SGCD: variants seen among roughly 807,000 people sequenced by gnomAD.
SGCD encodes the protein sarcoglycan delta, also known as delta-sarcoglycan.
Under a neutral mutation model 36.6 loss-of-function variants are expected in SGCD, and 18 were observed. The ratio of observed to expected loss-of-function variants is 0.49; its 90% CI spans 0.34 to 0.73. The LOEUF is 0.73. Among genes scored for constraint, SGCD ranks in the 30% least tolerant of loss-of-function variants. SGCD has a pLI of 0.01. For synonymous variants in SGCD, 133 were observed against 130.6 expected, an observed-to-expected ratio of 1.02 and a Z score of -0.12; for missense variants, 387 against 346.7, an observed-to-expected ratio of 1.12 and a Z score of -0.92.
chr5:155,756,378 CT>C, the SGCD span, among the ~76,000 whole-genome samples: 2 of 152,176 alleles, frequency 1.3e-5, no homozygotes, highest in African/African-American at 2.4e-5. Context: ...GACTTATTTC[CT>C]TATAAAATCT....
At chr5:156,337,379 A>G (rs767970137) in intron 2 of SGCD, among the ~76,000 whole-genome samples, 10 of 152,222 alleles carry the variant, frequency 6.6e-5, no homozygotes, top group Non-Finnish European at 1.0e-4. Context: ...TTATTCTTAA[A>G]TTAGCTAATG....
chr5:156,273,097 G>A (rs1766222658), intron 3 of SGCD, among the ~76,000 whole-genome samples: 1 of 152,142 alleles, frequency 6.6e-6, no homozygotes, highest in Non-Finnish European at 1.5e-5. Context: ...AGAAACTATT[G>A]GATGTATTAG....
chr5:156,024,959 A>G (rs890647064), intron 1 of SGCD, among the ~76,000 whole-genome samples: 14 of 55,214 alleles, frequency 2.5e-4, no homozygotes, highest in Admixed American at 2.0e-3. Flanking sequence ...CTCCATCTCA[A>G]AAAAAAAAAA....
chr5:156,028,788 C>T (rs1759278586), intron 1 of SGCD, among the ~76,000 whole-genome samples: 1 of 152,108 alleles, frequency 6.6e-6, no homozygotes, highest in Non-Finnish European at 1.5e-5. Context: ...CACAAGATAA[C>T]AATTTAATAA....
At chr5:155,805,750 G>A in the SGCD span, among the ~76,000 whole-genome samples, 1 of 152,256 alleles carries the variant, frequency 6.6e-6, no homozygotes, top group South Asian at 2.1e-4. Flanking sequence ...AGGCGGGTGA[G>A]TGTAGGTCCA....
chr5:155,917,998 C>T (rs1443837731), intron 1 of SGCD, among the ~76,000 whole-genome samples: 2 of 152,160 alleles, frequency 1.3e-5, no homozygotes, highest in African/African-American at 4.8e-5. Flanking sequence ...GGCCACAATT[C>T]TCTTGATCTG....
chr5:156,502,737 T>G (rs970384654), intron 3 of SGCD, among the ~76,000 whole-genome samples: 3 of 152,162 alleles, frequency 2.0e-5, no homozygotes, highest in Admixed American at 6.5e-5. Flanking sequence ...CAAAACTTCT[T>G]ATGTAGTAAA....
chr5:155,858,821 G>A, the SGCD span, among the ~76,000 whole-genome samples: 3 of 152,226 alleles, frequency 2.0e-5, no homozygotes, highest in East Asian at 5.8e-4. Flanking sequence ...CCCTGCTACG[G>A]ATTAACTGAA....
chr5:156,374,691 T>C (rs1580892108), intron 3 of SGCD, among the ~76,000 whole-genome samples: 1 of 143,790 alleles, frequency 7.0e-6, no homozygotes, highest in African/African-American at 2.6e-5. Context: ...AGACGGAGTC[T>C]TGCTCTGTTG....
At chr5:155,885,458 A>G (rs1243778111) in intron 1 of SGCD, among the ~76,000 whole-genome samples, 1 of 24,334 alleles carries the variant, frequency 4.1e-5, no homozygotes, top group Non-Finnish European at 8.5e-5. Context: ...ATGTATCATC[A>G]AAGTAAAAAA....
At chr5:155,794,367 G>A in the SGCD span, among the ~76,000 whole-genome samples, 1 of 152,096 alleles carries the variant, frequency 6.6e-6, no homozygotes, top group Non-Finnish European at 1.5e-5. Flanking sequence ...TATATTCACA[G>A]GGGATCAAGA....
Position 156,508,678 on chromosome 5 carries a change from C to A in SGCD, c.270C>A (p.Tyr90Ter), listed in dbSNP as rs749273088. Residue 90 changes from tyrosine to a stop codon, truncating the protein, a stop_gained, in exon 4 of 9, where the codon TAC (tyrosine) becomes TAA (stop). Coordinates refer to ENST00000337851, the MANE Select transcript of SGCD (RefSeq NM_000337.6). LOFTEE classifies it high-confidence loss of function. Reference protein sequence around the residue: ...EGDSEFLQPLYAKEIQSRPGN... With the variant: ...EGDSEFLQPL ...ACTCTGAATTCTTACAACCTCTCTA[C>A]GCCAAAGAAATCCAGTCCCGACCAG... 1 of 1,605,916 alleles carries A rather than the reference C, an allele frequency of 6.2e-7. No individual in the cohort carries two copies. Among genetic ancestry groups the A allele is most frequent in the Non-Finnish European group, 8.5e-7 (1 of 1,174,590 alleles).
Position 156,055,062 on chromosome 5 carries a change from G to T in SGCD, c.-281-62816G>T, listed in dbSNP as rs764770703. On this transcript the variant is annotated intron_variant, in intron 1 of 9. Transcript: ENST00000517913. ...CAAAAATATGTCTGTGCTCAGAGGA[G>T]TTAGGAGATGTTTGCCTTCAGGTAG... 1.2e-4 allele frequency among the ~76,000 whole-genome samples: 17 copies of T among 146,372 alleles called. No homozygotes were observed. The South Asian group carries it at 1.3e-3, about 11-fold the overall frequency.
chr5:155,896,992 T>C (rs1472691892), intron 1 of SGCD, among the ~76,000 whole-genome samples: 1 of 152,236 alleles, frequency 6.6e-6, no homozygotes, highest in African/African-American at 2.4e-5. Flanking sequence ...AGGTATGTAT[T>C]AGAGTATAAT....
chr5:156,110,509 A>G (rs1761757438), intron 1 of SGCD, among the ~76,000 whole-genome samples: 1 of 150,640 alleles, frequency 6.6e-6, no homozygotes, highest in South Asian at 2.2e-4. Flanking sequence ...CTCCTGACAC[A>G]CTTTCTGTAA....
intron 6 of SGCD, among the ~76,000 whole-genome samples, chr5:156,643,281 C>T (rs1297840917): frequency 6.6e-6 from 1 of 152,110 alleles, no homozygotes; most frequent in Non-Finnish European, 1.5e-5. Flanking sequence ...ATCCGCCCAC[C>T]TTGGCCTTCC....
chr5:156,507,058 A>C (rs544619295), intron 3 of SGCD, among the ~76,000 whole-genome samples: 1 of 152,312 alleles, frequency 6.6e-6, no homozygotes, highest in South Asian at 2.1e-4. Context: ...GTAAGTAAAA[A>C]ATTGCGCCTC....
intron 7 of SGCD, among the ~76,000 whole-genome samples, chr5:156,718,329 G>A (rs1755319488): frequency 1.3e-5 from 2 of 152,138 alleles, no homozygotes; most frequent in Admixed American, 1.3e-4. Context: ...GAAAATAGTA[G>A]GGTATGAATG....
chr5:156,423,211 A>T (rs1291911394), intron 3 of SGCD, among the ~76,000 whole-genome samples: 1 of 98,804 alleles, frequency 1.0e-5, no homozygotes, highest in African/African-American at 4.5e-5. Context: ...ATTTTATTAT[A>T]ATATAATATA....
Sources: allele counts gnomAD v4.1 joint callset (sites outside exome capture counted in the v4.1 genomes callset), GRCh38; gene constraint gnomAD v4.1.1; transcripts MANE v1.5; gene names NCBI Gene and HGNC (gene_info 2026-07-23, HGNC 2026-07-21).